Variants in KIAA0825 observed in about 807,000 individuals in gnomAD.
KIAA0825 encodes uncharacterized protein KIAA0825.
Under a neutral mutation model 147.6 loss-of-function variants are expected in KIAA0825, and 119 were observed. The observed-to-expected ratio is 0.81, with a 90% CI of 0.69 to 0.94. The LOEUF is 0.94. Ranked by LOEUF, KIAA0825 falls within the 40% of genes least tolerant of loss-of-function variation. The probability of loss-of-function intolerance (pLI) is 0.00; values close to 1 mark genes in which losing one functional copy is unlikely to be tolerated. For synonymous variants in KIAA0825, 470 were observed against 518.1 expected (o/e 0.91, Z 1.26); for missense variants, 1,381 against 1,472.7 (o/e 0.94, Z 1.02).
chr5:94,425,800 T>C lies in KIAA0825; in HGVS notation c.2498-8435A>G, dbSNP rs114998644. 3.2e-3 allele frequency among the ~76,000 whole-genome samples: 485 copies of C among 152,262 alleles called. 4 individuals are homozygous for C. The highest frequency in any genetic ancestry group is 0.011 in the African/African-American group (472 of 41,562). ...TGTTATTTTTTTGTCTTTTTAATAA[T>C]AGCCATTCTAACAGGGGTAAGATGA... On this transcript the variant is annotated intron_variant, in intron 14 of 20. Transcript: ENST00000682413.
At chr5:94,479,692 C>A (rs749137421) in intron 6 of KIAA0825, among the ~76,000 whole-genome samples, 21 of 152,084 alleles carry the variant, frequency 1.4e-4, no homozygotes, top group Admixed American at 6.6e-5. Context: ...TCCAAAGAGC[C>A]TGTACCATTT....
At chr5:94,190,372 C>G (rs1770559821) in intron 20 of KIAA0825, among the ~76,000 whole-genome samples, 1 of 152,102 alleles carries the variant, frequency 6.6e-6, no homozygotes, top group Non-Finnish European at 1.5e-5. Flanking sequence ...GTCGCCCAGG[C>G]TGGAGTGCAG....
chr5:94,522,036 A>C (rs1330784681), intron 4 of KIAA0825, among the ~76,000 whole-genome samples: 1 of 151,792 alleles, frequency 6.6e-6, no homozygotes, highest in Non-Finnish European at 1.5e-5. Flanking sequence ...ATACCCAATA[A>C]TTATACCAAG....
intron 17 of KIAA0825, 88 bp downstream of exon 17, chr5:94,396,013 C>T: frequency 8.4e-7 from 1 of 1,194,262 alleles, no homozygotes; most frequent in South Asian, 2.2e-5. Context: ...CTACTGCTGC[C>T]CATCTGACAA....
At chr5:94,229,943 T>C (rs1774542100) in intron 20 of KIAA0825, among the ~76,000 whole-genome samples, 1 of 152,182 alleles carries the variant, frequency 6.6e-6, no homozygotes, top group Admixed American at 6.5e-5. Context: ...TTCTCTCTTT[T>C]GATTTCTTTT....
intron 17 of KIAA0825, among the ~76,000 whole-genome samples, chr5:94,393,237 C>T (rs1207960497): frequency 6.6e-6 from 1 of 152,202 alleles, no homozygotes; most frequent in African/African-American, 2.4e-5. Context: ...CAAGGAATAA[C>T]TGCATTAATC....
At chr5:94,495,583 G>A (rs1764260432) in intron 5 of KIAA0825, among the ~76,000 whole-genome samples, 1 of 152,228 alleles carries the variant, frequency 6.6e-6, no homozygotes. Flanking sequence ...GGTGACTAAG[G>A]AGGGCCATAC....
intron 20 of KIAA0825, among the ~76,000 whole-genome samples, chr5:94,229,515 T>G (rs1360408829): frequency 1.3e-5 from 2 of 151,882 alleles, no homozygotes; most frequent in Non-Finnish European, 2.9e-5. Context: ...TTTTTTTTTT[T>G]TTTGGTATTA....
At chr5:94,478,399 G>T (rs1020724764) in intron 6 of KIAA0825, among the ~76,000 whole-genome samples, 4 of 151,654 alleles carry the variant, frequency 2.6e-5, no homozygotes, top group African/African-American at 9.7e-5. Flanking sequence ...TAAAGTGACA[G>T]AACACTGCAA....
chr5:94,566,267 C>T (rs758749200), intron 2 of KIAA0825, among the ~76,000 whole-genome samples: 3 of 151,970 alleles, frequency 2.0e-5, no homozygotes, highest in East Asian at 1.9e-4. Context: ...GGAAACTGAA[C>T]GTGAGAAGGA....
intron 4 of KIAA0825, 115 bp downstream of exon 4, chr5:94,523,815 C>T: frequency 1.7e-6 from 1 of 591,328 alleles, no homozygotes; most frequent in Middle Eastern, 4.8e-4. Flanking sequence ...ACACAAACCC[C>T]TATGTATGGC....
intron 1 of KIAA0825, among the ~76,000 whole-genome samples, chr5:94,590,889 T>C (rs529835801): frequency 6.6e-6 from 1 of 152,270 alleles, no homozygotes; most frequent in African/African-American, 2.4e-5. Flanking sequence ...ATTTCCATAA[T>C]CTACTGCAAA....
At chr5:94,519,005 G>T (rs189877494) in intron 5 of KIAA0825, among the ~76,000 whole-genome samples, 9 of 151,914 alleles carry the variant, frequency 5.9e-5, no homozygotes, top group Admixed American at 5.9e-4. Flanking sequence ...CTAATAAAGT[G>T]CATTTTAAAA....
chr5:94,247,398 G>A (rs1351850945), intron 20 of KIAA0825, among the ~76,000 whole-genome samples: 1 of 152,116 alleles, frequency 6.6e-6, no homozygotes, highest in Non-Finnish European at 1.5e-5. Context: ...TTAGAATTCA[G>A]GAAGGAGGAT....
chr5:94,302,404 G>A (rs549264521), intron 20 of KIAA0825, among the ~76,000 whole-genome samples: 64 of 152,164 alleles, frequency 4.2e-4, no homozygotes, highest in African/African-American at 1.5e-3. Context: ...ATGATGACCT[G>A]TTCCAGGGTG....
chr5:94,481,225 CCAGCTGCTCAA>C (rs778584700), intron 6 of KIAA0825, among the ~76,000 whole-genome samples: 22 of 152,184 alleles, frequency 1.4e-4, no homozygotes, highest in Non-Finnish European at 3.1e-4. Flanking sequence ...CACAAGAATG[CCAGCTGCTCAA>C]CAGCTTCCCC....
intron 20 of KIAA0825, among the ~76,000 whole-genome samples, chr5:94,280,804 A>G (rs1258443265): frequency 6.6e-6 from 1 of 152,116 alleles, no homozygotes; most frequent in East Asian, 1.9e-4. Context: ...GACGGTTACT[A>G]AACACCACCA....
chr5:94,551,299 T>G (rs1169879870), intron 2 of KIAA0825, among the ~76,000 whole-genome samples: 2 of 151,910 alleles, frequency 1.3e-5, no homozygotes, highest in Non-Finnish European at 2.9e-5. Context: ...CCTTATTTAA[T>G]AAAATAATAA....
intron 3 of KIAA0825, among the ~76,000 whole-genome samples, chr5:94,527,250 T>C (rs1434527936): frequency 6.6e-6 from 1 of 152,036 alleles, no homozygotes; most frequent in African/African-American, 2.4e-5. Context: ...TAAATAACAA[T>C]AGCAGTCCGG....
Sources: gnomAD v4.1 joint callset for allele counts (sites outside exome capture counted in the v4.1 genomes callset) on GRCh38, gnomAD v4.1.1 for gene constraint, MANE v1.5 for transcripts, NCBI Gene and HGNC (gene_info 2026-07-23, HGNC 2026-07-21) for gene names.